Variants in HMCN1 observed in about 807,000 individuals in gnomAD.
HMCN1 encodes the protein hemicentin-1.
A neutral mutation model predicts 625.9 loss-of-function variants in HMCN1; 321 were observed. That is an observed-to-expected ratio of 0.51 (90% CI 0.47 to 0.56). The LOEUF is 0.56. Ranked by LOEUF, HMCN1 falls within the 20% of genes least tolerant of loss-of-function variation. The pLI is 0.00. For missense variants in HMCN1, 6,588 were observed against 6,887.3 expected (o/e 0.96, Z 1.54); for synonymous variants, 2,425 against 2,417.6 (o/e 1.00, Z -0.09).
chr1:186,158,640 A>G (rs1330074974), intron 97 of HMCN1, among the ~76,000 whole-genome samples: 1 of 152,168 alleles, frequency 6.6e-6, no homozygotes, highest in African/African-American at 2.4e-5. Context: ...ATCCAGTTTC[A>G]GCTTTCTACA....
intron 9 of HMCN1, 149 bp downstream of exon 9, chr1:185,925,340 C>A: frequency 1.3e-6 from 1 of 746,464 alleles, no homozygotes; most frequent in South Asian, 1.6e-5. Context: ...CAAATCTGTG[C>A]CGTTGTGGAG....
chr1:186,070,892 G>C, intron 52 of HMCN1, 135 bp downstream of exon 52: 1 of 897,074 alleles, frequency 1.1e-6, no homozygotes, highest in South Asian at 1.5e-5. Context: ...CATGCTCCTA[G>C]AATCTAAAAC....
rs1652322078 is a variant in HMCN1, at chr1:186,172,907, G to A, written c.15814+776G>A. Among the ~76,000 whole-genome samples the A allele has an allele frequency of 1.3e-5, 2 of 152,154 alleles. 1 individual carries two copies. Among genetic ancestry groups the A allele is most frequent in the South Asian group, 4.1e-4 (2 of 4,830 alleles). ...TACAGGAATACCCAAGAGAGTGACTGTATCCAGTAGGAGTCACTATGAAGG... is the reference window on the plus strand; with the variant it reads ...TACAGGAATACCCAAGAGAGTGACTATATCCAGTAGGAGTCACTATGAAGG... On this transcript the variant is annotated intron_variant, in intron 102 of 106. Transcript: ENST00000271588.
In HMCN1 at chr1:186,178,622, C is replaced by G. The variant is rs1307023174; in HGVS notation, c.16150C>G (p.Pro5384Ala). 6.2e-7 allele frequency: 1 copy of G among 1,614,116 alleles called. No homozygotes were observed. The highest frequency in any genetic ancestry group is 2.2e-5 in the East Asian group (1 of 44,884). The change falls in exon 104 of 107, where the codon CCT (proline) becomes GCT (alanine). Residue 5384 changes from proline (P) to alanine (A), a missense_variant. Around this residue, in one of 3 missense-constraint regions of HMCN1, gnomAD observed 1,954 missense variants for 2,013.1 expected, o/e 0.97. Coordinates refer to ENST00000271588, the MANE Select transcript of HMCN1 (RefSeq NM_031935.3). ...CTCCCCTGTGAGAAACAACTATCAACCTCAACAGCATTACAGACAGTACTC... is the reference window on the plus strand; with the variant it reads ...CTCCCCTGTGAGAAACAACTATCAAGCTCAACAGCATTACAGACAGTACTC... ...RFSPVRNNYQ[P>A]QQHYRQYSHL...
At chr1:186,150,090 G>A (rs895486087) in intron 93 of HMCN1, among the ~76,000 whole-genome samples, 28 of 151,980 alleles carry the variant, frequency 1.8e-4, no homozygotes, top group African/African-American at 5.3e-4. Context: ...AAATGGTACC[G>A]GTAGACTTTC....
chr1:185,891,931 A>T (rs1051773069), intron 4 of HMCN1, among the ~76,000 whole-genome samples: 1 of 147,600 alleles, frequency 6.8e-6, no homozygotes, highest in Non-Finnish European at 1.5e-5. Flanking sequence ...CATTCTCCCC[A>T]TCACTTTTAG....
At chr1:185,951,756 G>A (rs1220160908) in intron 11 of HMCN1, among the ~76,000 whole-genome samples, 3 of 151,914 alleles carry the variant, frequency 2.0e-5, no homozygotes, top group East Asian at 1.9e-4. Context: ...TTTCCGGCAC[G>A]TGTAGCAAGC....
intron 50 of HMCN1, 112 bp downstream of exon 50, chr1:186,068,119 A>G (rs1015219499): frequency 9.4e-7 from 1 of 1,063,042 alleles, no homozygotes; most frequent in Admixed American, 1.8e-5. Context: ...TGGTTGTGTT[A>G]TGTTCTGTGC....
rs140204158 is a variant in HMCN1, at chr1:186,055,469, G to A, written c.6939G>A (p.Glu2313=). 2.0e-5 allele frequency: 32 copies of A among 1,612,714 alleles called. No homozygotes were observed. Among genetic ancestry groups the A allele is most frequent in the Non-Finnish European group, 2.5e-5 (30 of 1,179,268 alleles). Residue 2313 remains glutamate, a synonymous_variant, in exon 45 of 107, where the codon GAG becomes GAA. Coordinates refer to ENST00000271588, the MANE Select transcript of HMCN1 (RefSeq NM_031935.3). ...CCCGAGGGAAGAGTATCTCCTTGGA[G>A]TGTGAGGTGCAGGGTATTCCACCAC... is the stretch of plus-strand genomic sequence containing the variant. ...IVTRGKSISL[E]CEVQGIPPPT...
intron 49 of HMCN1, among the ~76,000 whole-genome samples, chr1:186,067,305 G>A (rs1658186859): frequency 2.0e-5 from 3 of 152,042 alleles, no homozygotes; most frequent in Non-Finnish European, 4.4e-5. Flanking sequence ...ACCTGTCTCA[G>A]CTATCCTTGC....
chr1:185,965,031 CT>C (rs1650304991), intron 13 of HMCN1, among the ~76,000 whole-genome samples: 1 of 152,056 alleles, frequency 6.6e-6, no homozygotes, highest in East Asian at 1.9e-4. Context: ...TGAAGGTATT[CT>C]AGCAGAGAAA....
chr1:186,019,445 TTCTAAA>T, intron 34 of HMCN1, 90 bp from the exon 35 acceptor site: 1 of 865,732 alleles, frequency 1.2e-6, no homozygotes, highest in Non-Finnish European at 1.9e-6. Context: ...CTTTTTTTTT[TTCTAAA>T]TTTTAAGGTT....
rs10911825 is a variant in HMCN1 at position 186,132,407 on chromosome 1, A to G, written c.13310A>G (p.Gln4437Arg). 486,965 of 1,604,574 alleles carry G rather than the reference A, an allele frequency of 0.3. 83,905 individuals carry two copies. Among genetic ancestry groups the G allele is most frequent in the African/African-American group, 0.6 (44,616 of 74,726 alleles). ...GAGCGCAGCATGAGTCTGACTCTGCAAAGTAAGCTGCTTAATGAAACTAAT... is the reference window on the plus strand; with the variant it reads ...GAGCGCAGCATGAGTCTGACTCTGCGAAGTAAGCTGCTTAATGAAACTAAT... The part of the protein sequence containing the change: ...VVERSMSLTL[Q>R]SPPIITLEPV... The change falls in exon 86 of 107, where the codon CAA (glutamine) becomes CGA (arginine). Residue 4437 changes from glutamine to arginine, a missense_variant and splice_region_variant. By Grantham distance (43) the Gln-to-Arg change is conservative (BLOSUM62 1). Transcript: ENST00000271588.
intron 48 of HMCN1, among the ~76,000 whole-genome samples, chr1:186,063,449 AGAAGGAAG>A (rs71798893): frequency 0.16 from 16,575 of 104,072 alleles, 1,639 homozygotes; most frequent in East Asian, 0.31. Context: ...GGACGGAGAG[AGAAGGAAG>A]GAAGGAAGGA....
chr1:185,844,633 A>G (rs1661698258), intron 1 of HMCN1, among the ~76,000 whole-genome samples: 1 of 152,208 alleles, frequency 6.6e-6, no homozygotes, highest in South Asian at 2.1e-4. Context: ...TGCACGTTAT[A>G]GTTTCGAATG....
chr1:185,750,210 TAGAAGGCACTCAATAAAG>T (rs1654704412), intron 1 of HMCN1, among the ~76,000 whole-genome samples: 1 of 152,200 alleles, frequency 6.6e-6, no homozygotes, highest in African/African-American at 2.4e-5. Context: ...TCCTGGCATA[TAGAAGGCACTCAATAAAG>T]TGAGTGCCTT....
Position 185,734,490 on chromosome 1 carries a change from C to T in HMCN1, c.-290C>T. The T allele has an allele frequency of 2.6e-6, 1 of 382,450 alleles. No individual in the cohort carries two copies. The highest frequency in any genetic ancestry group is 2.1e-5 in the African/African-American group (1 of 48,150). The allele number at this position is 382,450 out of a possible 1,614,324, so 23.7% of individuals were successfully genotyped here. A position where few individuals can be genotyped will look rare whatever the true frequency, so the allele number is the denominator to read the frequency against. On this transcript the variant is annotated 5_prime_UTR_variant, in exon 1 of 107. In the 5' UTR this introduces an upstream ATG that the reference lacks. Coordinates refer to ENST00000271588, the MANE Select transcript of HMCN1 (RefSeq NM_031935.3). ...AGCTGCCCCCGGGGCATGGACCCGA[C>T]GCGCCGCCCGCACTCCGCCACAGGC...
chr1:186,136,950 A>G lies in HMCN1; in HGVS notation c.13582+13A>G, dbSNP rs1649642933. On this transcript the variant is annotated intron_variant, in intron 87 of 106. Transcript: ENST00000271588. ...GTCATAGTCCAGGGTGAGTGTGATCAGAGGAATATTCATAGTAAACAGTAC... is the reference window on the plus strand; with the variant it reads ...GTCATAGTCCAGGGTGAGTGTGATCGGAGGAATATTCATAGTAAACAGTAC... The G allele has an allele frequency of 6.2e-7, 1 of 1,612,212 alleles. No homozygotes were observed. Among genetic ancestry groups the G allele is most frequent in the African/African-American group, 1.3e-5 (1 of 74,894 alleles).
intron 46 of HMCN1, among the ~76,000 whole-genome samples, chr1:186,057,668 A>G (rs766099709): frequency 6.6e-6 from 1 of 152,046 alleles, no homozygotes; most frequent in Non-Finnish European, 1.5e-5. Context: ...CAAAGCATTC[A>G]TGCTACAGTG....
Sources: gnomAD v4.1 joint callset for allele counts (sites outside exome capture counted in the v4.1 genomes callset) on GRCh38, gnomAD v4.1.1 for gene constraint, gnomAD v4.1.1 regional missense constraint, MANE v1.5 for transcripts, NCBI Gene and HGNC (gene_info 2026-07-23, HGNC 2026-07-21) for gene names.